The following KANSL1L variants were observed in gnomAD, a reference collection of about 807,000 sequenced individuals.
KANSL1L encodes KAT8 regulatory NSL complex subunit 1 like.
Under a neutral mutation model 108.6 loss-of-function variants are expected in KANSL1L, and 25 were observed. The ratio of observed to expected loss-of-function variants is 0.23; its 90% CI spans 0.17 to 0.32. The LOEUF (loss-of-function observed/expected upper bound fraction) is 0.32, where lower values mean the gene tolerates loss of function less well. Among genes scored for constraint, KANSL1L ranks in the 10% least tolerant of loss-of-function variants. KANSL1L has a pLI of 1.00. For missense variants in KANSL1L, 1,137 were observed against 1,125.7 expected (o/e 1.01, Z -0.14); for synonymous variants, 405 against 395.1 (o/e 1.03, Z -0.30).
At chr2:210,170,884 C>T (rs576897698) in intron 1 of KANSL1L, among the ~76,000 whole-genome samples, 1 of 151,860 alleles carries the variant, frequency 6.6e-6, no homozygotes, top group African/African-American at 2.4e-5. Context: ...CCCCACCCCT[C>T]CCTAGACCCC....
intron 6 of KANSL1L, among the ~76,000 whole-genome samples, chr2:210,054,389 AG>A (rs2094327020): frequency 6.6e-6 from 1 of 152,006 alleles, no homozygotes; most frequent in Non-Finnish European, 1.5e-5. Flanking sequence ...TTGGCAAAAA[AG>A]CCCAAAATTT....
intron 5 of KANSL1L, among the ~76,000 whole-genome samples, chr2:210,079,604 A>G (rs1404332225): frequency 3.1e-5 from 1 of 32,130 alleles, no homozygotes; most frequent in East Asian, 1.5e-3. Context: ...AAAAAAAAAT[A>G]TGTATGTGTA....
chr2:210,076,341 C>G (rs1439646894), intron 5 of KANSL1L, among the ~76,000 whole-genome samples: 2 of 152,106 alleles, frequency 1.3e-5, no homozygotes, highest in Admixed American at 6.6e-5. Context: ...GCCATCATGC[C>G]TGCTACCTGC....
At chr2:210,068,201 T>C (rs1187819900) in intron 6 of KANSL1L, among the ~76,000 whole-genome samples, 1 of 152,204 alleles carries the variant, frequency 6.6e-6, no homozygotes, top group Admixed American at 6.5e-5. Flanking sequence ...AAAAAATTTA[T>C]TGTGGTAAAA....
At chr2:210,158,452 G>T (rs2095345112) in intron 1 of KANSL1L, among the ~76,000 whole-genome samples, 1 of 152,164 alleles carries the variant, frequency 6.6e-6, no homozygotes, top group African/African-American at 2.4e-5. Flanking sequence ...ACAGCCTTAT[G>T]AGAGACCTTG....
chr2:210,154,440 A>G lies in KANSL1L; in HGVS notation c.143T>C (p.Met48Thr). The G allele has an allele frequency of 6.2e-7, 1 of 1,613,490 alleles. No individual in the cohort carries two copies. The highest frequency in any genetic ancestry group is 8.5e-7 in the Non-Finnish European group (1 of 1,179,714). Residue 48 changes from methionine (M) to threonine (T), a missense_variant, in exon 2 of 15, where the codon ATG (methionine) becomes ACG (threonine). Physicochemically the swap from Met to Thr is moderately conservative, Grantham distance 81. This residue lies in a region of KANSL1L where 556 missense variants were observed against 537.7 expected (regional missense o/e 1.03). Coordinates refer to ENST00000281772, the MANE Select transcript of KANSL1L (RefSeq NM_152519.4). ...EKLKGDTFSQ[M>T]LGFPTPEPTL... is the part of the protein sequence containing the mutation. ...AGGTTCAGGAGTTGGAAATCCAAGCATCTGAGAAAAGGTGTCTCCCTTTAG... is the reference window on the plus strand; with the variant it reads ...AGGTTCAGGAGTTGGAAATCCAAGCGTCTGAGAAAAGGTGTCTCCCTTTAG...
In KANSL1L at chr2:210,129,157, T is replaced by A; in HGVS notation, c.1104A>T (p.Glu368Asp). 4 of 1,613,736 alleles carry A rather than the reference T, an allele frequency of 2.5e-6. No homozygotes were observed. The highest frequency in any genetic ancestry group is 3.4e-6 in the Non-Finnish European group (4 of 1,179,762). ...RKNVAVNCSTEWKWLVDRARV... is the reference protein window; with the variant it reads ...RKNVAVNCSTDWKWLVDRARV... ...GTGCTCTGTCTACAAGCCACTTCCA[T>A]TCAGTACTACAGTTACTGTGAACAA... Residue 368 changes from glutamate (E) to aspartate (D), a missense_variant, in exon 3 of 15, where the codon GAA becomes GAT. This residue lies in a region of KANSL1L where 556 missense variants were observed against 537.7 expected (regional missense o/e 1.03). Transcript: ENST00000281772.
intron 6 of KANSL1L, among the ~76,000 whole-genome samples, chr2:210,054,031 A>T (rs540079718): frequency 6.6e-6 from 1 of 152,236 alleles, no homozygotes; most frequent in South Asian, 2.1e-4. Context: ...AATTGAAACT[A>T]GACGGCCGGG....
chr2:210,097,369 T>C, intron 5 of KANSL1L: 2 of 783,960 alleles, frequency 2.6e-6, no homozygotes, highest in Non-Finnish European at 3.1e-6. Context: ...TTACACTTAG[T>C]TCTCTATGGT....
chr2:210,040,294 G>T, intron 8 of KANSL1L, 126 bp downstream of exon 8: 1 of 642,854 alleles, frequency 1.6e-6, no homozygotes, highest in Non-Finnish European at 2.8e-6. Context: ...TGTAAAAAGT[G>T]AGTATTAAAA....
chr2:210,061,745 G>C (rs2094422277), intron 6 of KANSL1L, among the ~76,000 whole-genome samples: 1 of 152,130 alleles, frequency 6.6e-6, no homozygotes, highest in African/African-American at 2.4e-5. Context: ...GATTCTCTTA[G>C]AATAAGAAAG....
chr2:210,096,389 G>T (rs1263616751), intron 5 of KANSL1L: 6 of 535,630 alleles, frequency 1.1e-5, no homozygotes, highest in African/African-American at 1.0e-4. Flanking sequence ...GAAGACTTCT[G>T]TCTTCATATT....
chr2:210,067,638 G>C (rs1267783586), intron 6 of KANSL1L, among the ~76,000 whole-genome samples: 2 of 149,920 alleles, frequency 1.3e-5, no homozygotes, highest in Non-Finnish European at 2.9e-5. Context: ...TTGAGCCCTG[G>C]AGGTTGAGGC....
In KANSL1L at chr2:210,153,743, T is replaced by C. The variant is rs1352933188; in HGVS notation, c.840A>G (p.Thr280=). 2 of 1,607,984 alleles carry C rather than the reference T, an allele frequency of 1.2e-6. No homozygotes were observed. The highest frequency in any genetic ancestry group is 1.7e-4 in the Middle Eastern group (1 of 5,998). The part of the protein sequence containing the change: ...PKMKTFHEPT[T]ILGNSLPKCT... Reference sequence around the variant, plus strand: ...ATTTAGGTAAACTATTACCCAAAATTGTGGTAGGTTCATGAAATGTCTTCA... The same window carrying C: ...ATTTAGGTAAACTATTACCCAAAATCGTGGTAGGTTCATGAAATGTCTTCA... Residue 280 remains threonine, a synonymous_variant, in exon 2 of 15, where the codon ACA becomes ACG. Coordinates refer to ENST00000281772, the MANE Select transcript of KANSL1L (RefSeq NM_152519.4).
chr2:210,101,790 T>C (rs1012594855), intron 4 of KANSL1L, among the ~76,000 whole-genome samples: 5 of 152,174 alleles, frequency 3.3e-5, no homozygotes, highest in Admixed American at 1.3e-4. Flanking sequence ...ATTTAACAAA[T>C]ACAGGGTGGA....
At chr2:210,168,293 C>T (rs1448775101) in intron 1 of KANSL1L, among the ~76,000 whole-genome samples, 4 of 152,004 alleles carry the variant, frequency 2.6e-5, no homozygotes, top group Admixed American at 6.6e-5. Context: ...CAGCTCTCTG[C>T]CTCCTTCAAC....
intron 5 of KANSL1L, among the ~76,000 whole-genome samples, chr2:210,078,275 T>G (rs2125334031): frequency 6.6e-6 from 1 of 152,340 alleles, no homozygotes; most frequent in South Asian, 2.1e-4. Context: ...ATGGGACCAC[T>G]GTTGTATATG....
chr2:210,076,209 TCTCA>T (rs2094541287), intron 5 of KANSL1L, among the ~76,000 whole-genome samples: 1 of 152,120 alleles, frequency 6.6e-6, no homozygotes, highest in African/African-American at 2.4e-5. Flanking sequence ...TGAGATGGAG[TCTCA>T]CTCAGCTGCC....
At chr2:210,110,254 A>G (rs1414970417) in intron 3 of KANSL1L, among the ~76,000 whole-genome samples, 1 of 152,196 alleles carries the variant, frequency 6.6e-6, no homozygotes, top group Non-Finnish European at 1.5e-5. Flanking sequence ...CCTCCACTGC[A>G]CTAAGTGTAA....
Sources: allele counts gnomAD v4.1 joint callset (sites outside exome capture counted in the v4.1 genomes callset), GRCh38; gene constraint gnomAD v4.1.1; regional missense constraint gnomAD v4.1.1; transcripts MANE v1.5; gene names NCBI Gene and HGNC (gene_info 2026-07-23, HGNC 2026-07-21).